The following GPC6 variants were observed in gnomAD, a reference collection of about 807,000 sequenced individuals.
GPC6 encodes the protein glypican 6.
A neutral mutation model predicts 55.2 loss-of-function variants in GPC6; 14 were observed. The ratio of observed to expected loss-of-function variants is 0.25; its 90% CI spans 0.17 to 0.40. The LOEUF is 0.40. Ranked by LOEUF, GPC6 falls within the 10% of genes least tolerant of loss-of-function variation. GPC6 has a pLI of 1.00. For synonymous variants in GPC6, 278 were observed against 259.6 expected (o/e 1.07, Z -0.68); for missense variants, 641 against 708.5 (o/e 0.90, Z 1.08).
At chr13:94,366,685 T>C (rs535556687) in intron 6 of GPC6, among the ~76,000 whole-genome samples, 15 of 152,344 alleles carry the variant, frequency 9.8e-5, no homozygotes, top group Admixed American at 6.5e-4. Flanking sequence ...TCATGGCAAG[T>C]TCCTTGGGGA....
chr13:93,739,220 C>T (rs1884113556), intron 2 of GPC6, among the ~76,000 whole-genome samples: 1 of 152,048 alleles, frequency 6.6e-6, no homozygotes. Context: ...ACTTTCCCTA[C>T]CTTCCCCATC....
At chr13:93,394,625 C>G (rs566105397) in intron 1 of GPC6, among the ~76,000 whole-genome samples, 7 of 152,184 alleles carry the variant, frequency 4.6e-5, no homozygotes, top group African/African-American at 1.7e-4. Context: ...TTATTTCCTC[C>G]ATTTTACAGA....
intron 5 of GPC6, among the ~76,000 whole-genome samples, chr13:94,303,262 TC>T (rs1020753467): frequency 6.6e-6 from 1 of 152,184 alleles, no homozygotes; most frequent in African/African-American, 2.4e-5. Context: ...TCATTGTCCC[TC>T]CCCCTGTGCT....
chr13:93,622,747 A>G (rs754066533), intron 2 of GPC6, among the ~76,000 whole-genome samples: 6 of 152,210 alleles, frequency 3.9e-5, no homozygotes, highest in Non-Finnish European at 7.3e-5. Flanking sequence ...GATATCATTT[A>G]TTTGAGGTGA....
intron 3 of GPC6, among the ~76,000 whole-genome samples, chr13:93,893,135 C>T (rs1242222594): frequency 6.6e-6 from 1 of 151,130 alleles, no homozygotes; most frequent in Non-Finnish European, 1.5e-5. Flanking sequence ...TCTCTGCTCA[C>T]TGCAACCTCC....
At chr13:93,521,245 T>C (rs1881408631) in intron 1 of GPC6, among the ~76,000 whole-genome samples, 1 of 151,982 alleles carries the variant, frequency 6.6e-6, no homozygotes. Flanking sequence ...ATTTTCTTTC[T>C]AAGAGAGATA....
At chr13:93,347,983 TC>T (rs1242374476) in intron 1 of GPC6, among the ~76,000 whole-genome samples, 1 of 152,192 alleles carries the variant, frequency 6.6e-6, no homozygotes, top group Non-Finnish European at 1.5e-5. Context: ...CAAGTAAAGA[TC>T]CTGAGATGTC....
intron 4 of GPC6, among the ~76,000 whole-genome samples, chr13:94,091,425 T>G (rs954808252): frequency 6.6e-6 from 1 of 152,202 alleles, no homozygotes; most frequent in African/African-American, 2.4e-5. Flanking sequence ...GAATGGGCTA[T>G]GCTTTCCACT....
At chr13:94,354,391 A>T (rs1462326512) in intron 6 of GPC6, among the ~76,000 whole-genome samples, 3 of 152,172 alleles carry the variant, frequency 2.0e-5, no homozygotes, top group Non-Finnish European at 4.4e-5. Context: ...GGGCATCAAG[A>T]TGTTTTATAG....
At chr13:94,087,384 A>G (rs1465838925) in intron 4 of GPC6, among the ~76,000 whole-genome samples, 1 of 152,238 alleles carries the variant, frequency 6.6e-6, no homozygotes, top group African/African-American at 2.4e-5. Context: ...ACGCCTTAAA[A>G]CAGGAGCAAA....
At chr13:94,016,088 C>T (rs548593509) in intron 3 of GPC6, among the ~76,000 whole-genome samples, 35 of 152,246 alleles carry the variant, frequency 2.3e-4, no homozygotes, top group African/African-American at 8.2e-4. Flanking sequence ...ATCTCTGCTT[C>T]CATGAGTTTT....
chr13:94,223,453 G>C (rs1427489639), intron 4 of GPC6, among the ~76,000 whole-genome samples: 1 of 152,116 alleles, frequency 6.6e-6, no homozygotes, highest in Non-Finnish European at 1.5e-5. Flanking sequence ...ACATAAAATT[G>C]AGTCTCACAA....
intron 2 of GPC6, among the ~76,000 whole-genome samples, chr13:93,689,202 G>A (rs1273989578): frequency 6.6e-6 from 1 of 151,830 alleles, no homozygotes; most frequent in African/African-American, 2.4e-5. Flanking sequence ...ATCCCAGAAG[G>A]CAAAAACAAA....
chr13:93,788,680 T>A (rs1247344507), intron 2 of GPC6, among the ~76,000 whole-genome samples: 1 of 152,040 alleles, frequency 6.6e-6, no homozygotes, highest in Non-Finnish European at 1.5e-5. Flanking sequence ...CTTATTTGAT[T>A]ACATGTCAGT....
chr13:93,923,026 A>G (rs1267458416), intron 3 of GPC6, among the ~76,000 whole-genome samples: 1 of 152,188 alleles, frequency 6.6e-6, no homozygotes, highest in African/African-American at 2.4e-5. Context: ...ACATCTTCTT[A>G]TTATGACAGA....
chr13:93,310,981 T>C (rs1173108907), intron 1 of GPC6, among the ~76,000 whole-genome samples: 1 of 152,212 alleles, frequency 6.6e-6, no homozygotes, highest in African/African-American at 2.4e-5. Flanking sequence ...TGAAAAAATA[T>C]TGAGTAGGTA....
chr13:94,098,069 G>T (rs1374675843), intron 4 of GPC6, among the ~76,000 whole-genome samples: 1 of 152,142 alleles, frequency 6.6e-6, no homozygotes, highest in East Asian at 1.9e-4. Flanking sequence ...CATGGTCCAA[G>T]TCAGAAATAA....
At chr13:94,011,014 A>C (rs1357257069) in intron 3 of GPC6, among the ~76,000 whole-genome samples, 1 of 152,198 alleles carries the variant, frequency 6.6e-6, no homozygotes. Context: ...TTTGTGCCAA[A>C]TAAGTCATCA....
chr13:93,304,805 G>A (rs1416719193), intron 1 of GPC6, among the ~76,000 whole-genome samples: 3 of 152,122 alleles, frequency 2.0e-5, no homozygotes, highest in Non-Finnish European at 4.4e-5. Flanking sequence ...TTAGGGTTGG[G>A]GGATGAGGAG....
Sources: allele counts gnomAD v4.1 joint callset (sites outside exome capture counted in the v4.1 genomes callset), GRCh38; gene constraint gnomAD v4.1.1; transcripts MANE v1.5; gene names NCBI Gene and HGNC (gene_info 2026-07-23, HGNC 2026-07-21).